The following ITPA variants were observed in gnomAD, a reference collection of about 807,000 sequenced individuals.
The protein encoded by ITPA is inosine triphosphatase.
ITPA carries 29 observed loss-of-function variants against 29.6 expected under a neutral mutation model. That is an observed-to-expected ratio of 0.98 (90% CI 0.73 to 1.34). The LOEUF (loss-of-function observed/expected upper bound fraction) is 1.34, where lower values mean the gene tolerates loss of function less well. Ranked by LOEUF, ITPA falls within the 40% of genes most tolerant of loss-of-function variation. The probability of loss-of-function intolerance (pLI) is 0.00; values close to 1 mark genes in which losing one functional copy is unlikely to be tolerated. For synonymous variants in ITPA, 103 were observed against 99.3 expected, an observed-to-expected ratio of 1.04 and a Z score of -0.22; for missense variants, 241 against 251.5, an observed-to-expected ratio of 0.96 and a Z score of 0.28.
At chr20:3,212,574 G>T (rs567929381) in intron 1 of ITPA, among the ~76,000 whole-genome samples, 9 of 152,124 alleles carry the variant, frequency 5.9e-5, no homozygotes, top group Admixed American at 5.9e-4. Flanking sequence ...GCCCACCTTG[G>T]CCTCCAAAAG....
intron 5 of ITPA, among the ~76,000 whole-genome samples, chr20:3,218,208 A>G (rs921235049): frequency 2.0e-5 from 3 of 152,184 alleles, no homozygotes; most frequent in South Asian, 2.1e-4. Context: ...ATGAGCCACC[A>G]CGCCCGGCCT....
At chr20:3,220,230 G>T (rs1357356602) in intron 6 of ITPA, among the ~76,000 whole-genome samples, 1 of 151,888 alleles carries the variant, frequency 6.6e-6, no homozygotes, top group Non-Finnish European at 1.5e-5. Flanking sequence ...GCTAATTTTT[G>T]TATTTTTGGT....
chr20:3,226,112 GT>G (rs2067551781), downstream of ITPA, among the ~76,000 whole-genome samples: 1 of 152,204 alleles, frequency 6.6e-6, no homozygotes, highest in Admixed American at 6.5e-5. This position sits in a 1 kb window ranked among gnomAD's most constrained non-coding sequence, Gnocchi z 4.4. Flanking sequence ...TAAAAGAGGA[GT>G]CGTGGGAACC....
At chr20:3,214,095 G>A in intron 4 of ITPA, 37 bp downstream of exon 4, 2 of 1,591,424 alleles carry the variant, frequency 1.3e-6, no homozygotes, top group Non-Finnish European at 1.7e-6. Flanking sequence ...AGGGCGTCAG[G>A]CCCAAAACCA....
intron 6 of ITPA, among the ~76,000 whole-genome samples, chr20:3,219,271 G>C (rs556333408): frequency 3.9e-5 from 5 of 128,992 alleles, no homozygotes; most frequent in African/African-American, 1.2e-4. Flanking sequence ...CAGTGGTGTC[G>C]TCTCGGCTCA....
intron 1 of ITPA, among the ~76,000 whole-genome samples, chr20:3,212,398 G>A (rs1038916138): frequency 4.0e-5 from 6 of 150,954 alleles, no homozygotes; most frequent in Non-Finnish European, 7.4e-5. Flanking sequence ...TTGGCTCACT[G>A]TAGCCTCAAC....
At chr20:3,204,753 AG>A (rs1175168772), upstream of ITPA, 1 of 892,144 alleles carries the variant, frequency 1.1e-6, no homozygotes, top group Non-Finnish European at 1.7e-6. Flanking sequence ...CATCACAGAG[AG>A]GCTTTAATGT....
chr20:3,215,425 G>A (rs2067272069), intron 5 of ITPA, 113 bp downstream of exon 5: 1 of 921,902 alleles, frequency 1.1e-6, no homozygotes, highest in Non-Finnish European at 1.8e-6. Context: ...CCCCCACCAT[G>A]GAGCCTCCAC....
intron 7 of ITPA, 42 bp downstream of exon 7, chr20:3,221,959 A>G: frequency 1.9e-6 from 3 of 1,593,616 alleles, no homozygotes; most frequent in African/African-American, 1.3e-5. Context: ...TGGGGTTGGT[A>G]CAGCCATGGT....
chr20:3,206,553 G>A (rs569198176), upstream of ITPA, among the ~76,000 whole-genome samples: 203 of 152,104 alleles, frequency 1.3e-3, no homozygotes, highest in Non-Finnish European at 2.4e-3. Context: ...AAAATTAGCC[G>A]GGTGTGGTGG....
upstream of ITPA, among the ~76,000 whole-genome samples, chr20:3,205,484 G>A (rs751508917): frequency 2.6e-5 from 4 of 152,050 alleles, no homozygotes; most frequent in Non-Finnish European, 4.4e-5. Flanking sequence ...CTAGGTAGAG[G>A]TGAGCCTAGG....
intron 3 of ITPA, 122 bp from the exon 4 acceptor site, chr20:3,213,863 C>T: frequency 1.0e-6 from 1 of 967,236 alleles, no homozygotes. Flanking sequence ...TCCCATGGTG[C>T]TGTCTGCCAC....
intron 6 of ITPA, 156 bp downstream of exon 6, chr20:3,218,788 T>A: frequency 1.4e-6 from 1 of 691,608 alleles, no homozygotes; most frequent in Non-Finnish European, 2.6e-6. Context: ...GCAGCATAGG[T>A]AGAAGTGCTG....
At position 3,223,814 on chromosome 20, in the gene ITPA, C is replaced by A; in HGVS notation, c.*352C>A. On this transcript the variant is annotated 3_prime_UTR_variant, in exon 8 of 8. Transcript: ENST00000380113. ...TTTTTAAATGCAGTAAATAACATTT[C>A]TGGATGAGACTTGTTTCCAAAATAA... 1 of 305,228 alleles carries A rather than the reference C, an allele frequency of 3.3e-6. No individual in the cohort carries two copies. The highest frequency in any genetic ancestry group is 6.3e-6 in the Non-Finnish European group (1 of 158,958). 18.9% of individuals were successfully genotyped at this position (305,228 alleles called of 1,614,324 possible).
downstream of ITPA, among the ~76,000 whole-genome samples, chr20:3,225,159 C>T (rs749523550): frequency 1.6e-4 from 24 of 152,112 alleles, no homozygotes; most frequent in Non-Finnish European, 2.9e-4. Context: ...GCCGTGATTG[C>T]GCCACTGCAC....
At chr20:3,226,971 A>G (rs1452529671), downstream of ITPA, among the ~76,000 whole-genome samples, 1 of 152,016 alleles carries the variant, frequency 6.6e-6, no homozygotes, top group African/African-American at 2.4e-5. This position sits in a 1 kb window ranked among gnomAD's most constrained non-coding sequence, Gnocchi z 4.4. Context: ...CATCGCCACC[A>G]GTGCTGCCCC....
intron 5 of ITPA, among the ~76,000 whole-genome samples, chr20:3,217,956 C>G (rs879767255): frequency 5.0e-5 from 7 of 139,522 alleles, no homozygotes; most frequent in Non-Finnish European, 7.7e-5. Flanking sequence ...CTCGCTCTGT[C>G]GCCCAGGCTG....
chr20:3,220,727 A>C (rs1283667043), intron 6 of ITPA, among the ~76,000 whole-genome samples: 1 of 151,246 alleles, frequency 6.6e-6, no homozygotes, highest in African/African-American at 2.4e-5. Context: ...TAAAAAAAAA[A>C]AAAAAATTGG....
At chr20:3,207,290 C>T (rs2067078285), upstream of ITPA, among the ~76,000 whole-genome samples, 4 of 152,146 alleles carry the variant, frequency 2.6e-5, no homozygotes, top group Admixed American at 2.6e-4. Flanking sequence ...TGGGTTTCAC[C>T]ATGTTGTCTA....
Sources: gnomAD v4.1 joint callset for allele counts (sites outside exome capture counted in the v4.1 genomes callset) on GRCh38, gnomAD v4.1.1 for gene constraint, Gnocchi (gnomAD v3.1) non-coding constraint, MANE v1.5 for transcripts, NCBI Gene and HGNC (gene_info 2026-07-23, HGNC 2026-07-21) for gene names.